Variants in PCDHGA1 observed in about 807,000 individuals in gnomAD.
The protein encoded by PCDHGA1 is protocadherin gamma-A1.
A neutral mutation model predicts 58.0 loss-of-function variants in PCDHGA1; 32 were observed. That is an observed-to-expected ratio of 0.55 (90% CI 0.42 to 0.74). The LOEUF (loss-of-function observed/expected upper bound fraction) is 0.74. Among genes scored for constraint, PCDHGA1 ranks in the 30% least tolerant of loss-of-function variants. The pLI, the probability that PCDHGA1 is intolerant of heterozygous loss-of-function variation, is 0.00. For synonymous variants in PCDHGA1, 498 were observed against 501.1 expected, an observed-to-expected ratio of 0.99 and a Z score of 0.08; for missense variants, 1,205 against 1,182.3, an observed-to-expected ratio of 1.02 and a Z score of -0.28.
At chr5:141,361,026 A>G (rs1357990065) in intron 1 of PCDHGA1, 2 of 1,613,406 alleles carry the variant, frequency 1.2e-6, no homozygotes, top group Non-Finnish European at 1.7e-6. Flanking sequence ...TAAATGAAAA[A>G]ACAGGAGAAA....
At chr5:141,450,599 G>T (rs569531886) in intron 1 of PCDHGA1, among the ~76,000 whole-genome samples, 11 of 150,286 alleles carry the variant, frequency 7.3e-5, no homozygotes, top group African/African-American at 2.7e-4. Flanking sequence ...CAATTCTCCT[G>T]CCTCAGCCTC....
Position 141,490,795 on chromosome 5 carries a change from C to G in PCDHGA1, c.2422-4012C>G. The G allele has an allele frequency of 6.2e-7, 1 of 1,614,036 alleles. No homozygotes were observed. The highest frequency in any genetic ancestry group is 1.1e-5 in the South Asian group (1 of 91,084). Reference sequence around the variant, plus strand: ...CCCAGAGGATGGACGGATCTTTGCCCAGCGTACCTTTGACTATGAATTGCT... The same window carrying G: ...CCCAGAGGATGGACGGATCTTTGCCGAGCGTACCTTTGACTATGAATTGCT... On this transcript the variant is annotated intron_variant, in intron 1 of 3. Transcript: ENST00000517417. This position sits in a 1 kb window ranked among gnomAD's most constrained non-coding sequence, Gnocchi z 5.4.
chr5:141,360,729 C>T (rs767195567), intron 1 of PCDHGA1: 2 of 1,613,886 alleles, frequency 1.2e-6, no homozygotes, highest in African/African-American at 1.3e-5. Flanking sequence ...TTCTAAAACA[C>T]TCTCTGGACA....
intron 1 of PCDHGA1, chr5:141,403,656 C>G: frequency 6.2e-7 from 1 of 1,613,894 alleles, no homozygotes. Flanking sequence ...GTGTTGGATA[C>G]AAATGATAAT....
intron 1 of PCDHGA1, chr5:141,420,103 G>C (rs754672450): frequency 4.3e-6 from 7 of 1,613,990 alleles, no homozygotes; most frequent in Non-Finnish European, 2.5e-6. Context: ...AGGGAACGTT[G>C]CCCTATGCCT....
chr5:141,341,512 A>C, intron 1 of PCDHGA1: 1 of 1,532,772 alleles, frequency 6.5e-7, no homozygotes, highest in Non-Finnish European at 8.8e-7. Context: ...AAGTTTTAGG[A>C]AGTGAGTCTT....
chr5:141,408,869 A>T, intron 1 of PCDHGA1: 1 of 1,613,690 alleles, frequency 6.2e-7, no homozygotes, highest in Non-Finnish European at 8.5e-7. Flanking sequence ...CCCACCAAGA[A>T]GTGCCACCGC....
chr5:141,462,253 A>C (rs7717600), intron 1 of PCDHGA1, among the ~76,000 whole-genome samples: 42,489 of 152,124 alleles, frequency 0.28, 6,669 homozygotes, highest in African/African-American at 0.43. Context: ...AGCCACCATG[A>C]CCAGCCTAAA....
intron 2 of PCDHGA1, among the ~76,000 whole-genome samples, chr5:141,497,706 A>G (rs2099778850): frequency 6.6e-6 from 1 of 151,956 alleles, no homozygotes; most frequent in Middle Eastern, 3.2e-3. Flanking sequence ...CACCCAGCTC[A>G]TTTTTGTATT....
intron 1 of PCDHGA1, chr5:141,392,696 T>A: frequency 8.2e-7 from 1 of 1,212,692 alleles, no homozygotes. Flanking sequence ...ACCCGACCCC[T>A]GTTTGGAGGC....
chr5:141,390,196 T>C (rs1416526939), intron 1 of PCDHGA1: 2 of 1,613,930 alleles, frequency 1.2e-6, no homozygotes, highest in African/African-American at 2.7e-5. Context: ...AGTGAGCAGT[T>C]GAGTTCAGGA....
chr5:141,408,559 C>T (rs1490844526), intron 1 of PCDHGA1: 3 of 1,614,000 alleles, frequency 1.9e-6, no homozygotes, highest in Non-Finnish European at 2.5e-6. Flanking sequence ...TTTTTCATGT[C>T]ATTGTGGTGA....
At chr5:141,361,676 T>C (rs1447277018) in intron 1 of PCDHGA1, 1 of 1,613,624 alleles carries the variant, frequency 6.2e-7, no homozygotes, top group Non-Finnish European at 8.5e-7. Context: ...AGCGGGGTGG[T>C]GTTCGCGCAG....
chr5:141,349,032 C>A (rs894627559), intron 1 of PCDHGA1, among the ~76,000 whole-genome samples: 2 of 152,110 alleles, frequency 1.3e-5, no homozygotes, highest in Non-Finnish European at 2.9e-5. Flanking sequence ...ACTCGTTTTG[C>A]TCATTAATGG....
chr5:141,430,639 A>T, intron 1 of PCDHGA1: 1 of 900,712 alleles, frequency 1.1e-6, no homozygotes. Flanking sequence ...CATCCCTGGG[A>T]GTATGTGGAA....
intron 1 of PCDHGA1, chr5:141,343,135 C>A: frequency 4.6e-6 from 1 of 216,992 alleles, no homozygotes; most frequent in Non-Finnish European, 7.9e-6. Flanking sequence ...TCCTTATAAT[C>A]TCTGTGAAGG....
rs1175260051 is a variant in PCDHGA1, at chr5:141,332,653, A to G, written c.1969A>G (p.Thr657Ala). 5.0e-6 allele frequency: 8 copies of G among 1,613,178 alleles called. No homozygotes were observed. The highest frequency in any genetic ancestry group is 1.8e-4 in the Middle Eastern group (1 of 5,602). ...QDHGQPPLSA[T>A]VTLTVAVADR... ...CCACGGCCAGCCCCCGCTCTCCGCCACTGTCACGCTCACCGTGGCCGTGGC... is the reference window on the plus strand; with the variant it reads ...CCACGGCCAGCCCCCGCTCTCCGCCGCTGTCACGCTCACCGTGGCCGTGGC... Residue 657 changes from threonine to alanine, a missense_variant, in exon 1 of 4, where the codon ACT (threonine) becomes GCT (alanine). Physicochemically the swap from Thr to Ala is moderately conservative, Grantham distance 58 (BLOSUM62 0). Coordinates refer to ENST00000517417, the MANE Select transcript of PCDHGA1 (RefSeq NM_018912.3). This position sits in a 1 kb window ranked among gnomAD's most constrained non-coding sequence, Gnocchi z 4.6.
intron 1 of PCDHGA1, chr5:141,382,913 C>G: frequency 5.2e-6 from 8 of 1,553,234 alleles, no homozygotes; most frequent in Non-Finnish European, 7.0e-6. Context: ...GCGGCTCAGC[C>G]GAGGGGCGGG....
intron 1 of PCDHGA1, chr5:141,362,185 C>G: frequency 6.2e-7 from 1 of 1,614,022 alleles, no homozygotes. Context: ...GCCCTCTGAC[C>G]CCCAGGCAAA....
Sources: allele counts gnomAD v4.1 joint callset (sites outside exome capture counted in the v4.1 genomes callset), GRCh38; gene constraint gnomAD v4.1.1; non-coding constraint Gnocchi (gnomAD v3.1); transcripts MANE v1.5; gene names NCBI Gene and HGNC (gene_info 2026-07-23, HGNC 2026-07-21).